The following RBFOX1 variants were observed in gnomAD, a reference collection of about 807,000 sequenced individuals.
RBFOX1 encodes RNA binding protein fox-1 homolog 1.
Under a neutral mutation model 57.7 loss-of-function variants are expected in RBFOX1, and 8 were observed. The ratio of observed to expected loss-of-function variants is 0.14; its 90% CI spans 0.08 to 0.25. The LOEUF is 0.25. RBFOX1 is among the 10% of genes least tolerant of loss of function. RBFOX1 has a pLI of 1.00. For synonymous variants in RBFOX1, 326 were observed against 222.4 expected (o/e 1.47, Z -4.15); for missense variants, 611 against 548.5 (o/e 1.11, Z -1.14).
At chr16:7,706,738 C>A (rs1036001653) in intron 14 of RBFOX1, among the ~76,000 whole-genome samples, 1 of 152,186 alleles carries the variant, frequency 6.6e-6, no homozygotes, top group Admixed American at 6.5e-5. Flanking sequence ...TAAAAATAAC[C>A]CTATTAACAG....
intron 14 of RBFOX1, among the ~76,000 whole-genome samples, chr16:7,692,555 C>A (rs187998120): frequency 6.6e-6 from 1 of 152,130 alleles, no homozygotes; most frequent in Non-Finnish European, 1.5e-5. Context: ...ATTTACGAAC[C>A]TAGCCAACCT....
At chr16:5,440,136 A>G (rs563348033) in intron 1 of RBFOX1, among the ~76,000 whole-genome samples, 7 of 152,348 alleles carry the variant, frequency 4.6e-5, no homozygotes, top group African/African-American at 7.2e-5. Flanking sequence ...GGGATAATGT[A>G]TAATAAGACC....
intron 9 of RBFOX1, among the ~76,000 whole-genome samples, chr16:7,604,440 G>A (rs141835065): frequency 5.3e-4 from 81 of 152,264 alleles, no homozygotes; most frequent in Admixed American, 7.9e-4. Context: ...CCTTTCTCAC[G>A]ATTAATACTT....
chr16:6,836,022 C>G (rs998837163), intron 3 of RBFOX1, among the ~76,000 whole-genome samples: 5 of 152,164 alleles, frequency 3.3e-5, no homozygotes, highest in East Asian at 1.9e-4. Flanking sequence ...AATACAGTCT[C>G]TGTCCTTGGA....
At chr16:5,815,987 G>C (rs1362300516) in intron 3 of RBFOX1, among the ~76,000 whole-genome samples, 1 of 152,094 alleles carries the variant, frequency 6.6e-6, no homozygotes, top group African/African-American at 2.4e-5. Context: ...CAGCCCCCAG[G>C]TATACAACCC....
chr16:5,295,125 T>C (rs1404975809), intron 1 of RBFOX1, among the ~76,000 whole-genome samples: 1 of 151,348 alleles, frequency 6.6e-6, no homozygotes, highest in Non-Finnish European at 1.5e-5. Context: ...AGAAATACAT[T>C]TGGTATATGT....
At chr16:5,375,761 C>T (rs1567411319) in intron 1 of RBFOX1, among the ~76,000 whole-genome samples, 1 of 152,232 alleles carries the variant, frequency 6.6e-6, no homozygotes, top group African/African-American at 2.4e-5. Flanking sequence ...GGCCTGCCAG[C>T]TGCAGTGCGT....
At chr16:7,189,416 A>T (rs1235088606) in intron 4 of RBFOX1, among the ~76,000 whole-genome samples, 1 of 102,210 alleles carries the variant, frequency 9.8e-6, no homozygotes, top group Non-Finnish European at 1.8e-5. Flanking sequence ...ACAGAGCGAG[A>T]CTCCCTCTCA....
chr16:5,382,330 G>A (rs1419882803), intron 1 of RBFOX1, among the ~76,000 whole-genome samples: 6 of 151,644 alleles, frequency 4.0e-5, no homozygotes, highest in African/African-American at 1.2e-4. Context: ...AAAACTATTC[G>A]GGCTGATATT....
chr16:5,679,655 C>G (rs991319250), intron 3 of RBFOX1, among the ~76,000 whole-genome samples: 5 of 152,204 alleles, frequency 3.3e-5, no homozygotes, highest in African/African-American at 9.6e-5. Context: ...ACCATCAATT[C>G]TCTTTCATGA....
chr16:6,321,519 C>G (rs747274552), intron 2 of RBFOX1, among the ~76,000 whole-genome samples: 1 of 152,196 alleles, frequency 6.6e-6, no homozygotes, highest in Non-Finnish European at 1.5e-5. Flanking sequence ...TAATGGTCCC[C>G]TGGGACTCTG....
intron 4 of RBFOX1, among the ~76,000 whole-genome samples, chr16:7,317,693 T>G (rs564400795): frequency 6.6e-6 from 1 of 151,796 alleles, no homozygotes; most frequent in South Asian, 2.1e-4. Context: ...AGTACAGGAG[T>G]GAAGTGCATT....
chr16:7,403,718 G>C (rs1043166799), intron 4 of RBFOX1, among the ~76,000 whole-genome samples: 6 of 151,814 alleles, frequency 4.0e-5, no homozygotes, highest in Non-Finnish European at 7.4e-5. Flanking sequence ...TGTGAATTTT[G>C]TATTTTTAGT....
intron 1 of RBFOX1, among the ~76,000 whole-genome samples, chr16:6,042,344 C>G (rs1304201676): frequency 6.6e-6 from 1 of 151,994 alleles, no homozygotes; most frequent in Non-Finnish European, 1.5e-5. Context: ...TGGGATTTGT[C>G]CACCTCGGTC....
intron 3 of RBFOX1, among the ~76,000 whole-genome samples, chr16:6,680,608 T>G (rs2154121430): frequency 6.6e-6 from 1 of 152,218 alleles, no homozygotes; most frequent in South Asian, 2.1e-4. Context: ...TTGACTTGAG[T>G]TTTATTCTAA....
At chr16:6,714,744 C>G (rs745326760) in intron 3 of RBFOX1, among the ~76,000 whole-genome samples, 2 of 152,138 alleles carry the variant, frequency 1.3e-5, no homozygotes, top group African/African-American at 4.8e-5. Flanking sequence ...ATCTACACAG[C>G]TGGGACATGG....
intron 4 of RBFOX1, among the ~76,000 whole-genome samples, chr16:7,202,734 C>T (rs756630553): frequency 8.5e-5 from 13 of 152,150 alleles, no homozygotes; most frequent in African/African-American, 3.1e-4. Flanking sequence ...TTGTGCACTT[C>T]TTATGAGAAT....
chr16:7,233,208 C>T lies in RBFOX1; in HGVS notation c.27+181110C>T, dbSNP rs116074806. 7.5e-3 allele frequency among the ~76,000 whole-genome samples: 1,048 copies of T among 139,272 alleles called. 15 individuals carry two copies. The highest frequency in any genetic ancestry group is 0.027 in the African/African-American group (1,006 of 37,430). 91.4% of individuals were successfully genotyped at this position (139,272 alleles called of 152,430 possible). ...TCTGGCTCCTGCCAACCTTGCTAAACTCATCCTTTTTTTTTTTTTTTCCTG... is the reference window on the plus strand; with the variant it reads ...TCTGGCTCCTGCCAACCTTGCTAAATTCATCCTTTTTTTTTTTTTTTCCTG... On this transcript the variant is annotated intron_variant, in intron 4 of 15. Coordinates refer to ENST00000550418, the MANE Select transcript of RBFOX1 (RefSeq NM_018723.4).
In RBFOX1 at chr16:5,524,562, A is replaced by G. The variant is rs539060464; in HGVS notation, c.258+57308A>G. 3.4e-5 allele frequency among the ~76,000 whole-genome samples: 5 copies of G among 145,432 alleles called. No individual in the cohort carries two copies. In the East Asian group the frequency reaches 8.2e-4, roughly 24 times the overall value. On this transcript the variant is annotated intron_variant, in intron 2 of 2. Transcript: ENST00000585867. Reference sequence around the variant, plus strand: ...GTAGTTGCTTTTTTTTTTTTTTGAGACAGAGTCTTGCTCTGTCGCCCAGGC... The same window carrying G: ...GTAGTTGCTTTTTTTTTTTTTTGAGGCAGAGTCTTGCTCTGTCGCCCAGGC...
Sources: allele counts gnomAD v4.1 joint callset (sites outside exome capture counted in the v4.1 genomes callset), GRCh38; gene constraint gnomAD v4.1.1; transcripts MANE v1.5; gene names NCBI Gene and HGNC (gene_info 2026-07-23, HGNC 2026-07-21).